NMUR2: variants seen among roughly 807,000 people sequenced by gnomAD.
NMUR2 encodes the protein neuromedin-U receptor 2.
A neutral mutation model predicts 25.1 loss-of-function variants in NMUR2; 24 were observed. The ratio of observed to expected loss-of-function variants is 0.96; its 90% CI spans 0.69 to 1.34. NMUR2 has a LOEUF of 1.34. Ranked by LOEUF, NMUR2 falls within the 40% of genes most tolerant of loss-of-function variation. The pLI is 0.00. For missense variants in NMUR2, 533 were observed against 512.8 expected, an observed-to-expected ratio of 1.04 and a Z score of -0.38; for synonymous variants, 218 against 208.1, an observed-to-expected ratio of 1.05 and a Z score of -0.41.
chr5:152,393,444 C>G (rs1753096413), intron 3 of NMUR2, among the ~76,000 whole-genome samples: 1 of 152,056 alleles, frequency 6.6e-6, no homozygotes, highest in Non-Finnish European at 1.5e-5. Flanking sequence ...GCCTTGTTTA[C>G]AGAATAAACA....
rs774879083 is a variant in NMUR2 at position 152,398,071 on chromosome 5, T to C, written c.800A>G (p.Asn267Ser). ...NIQRPCRKSV[N>S]KMLFVLVLVF... The stretch of plus-strand genomic sequence containing the variant: ...AATGGGGCACTTACACAGCATCTTG[T>C]TGACTGATTTTCTGCAGGGTCTTTG... Residue 267 changes from asparagine (N) to serine (S), a missense_variant, in exon 2 of 4, where the codon AAC becomes AGC. Transcript: ENST00000255262. 1.2e-5 allele frequency: 20 copies of C among 1,612,902 alleles called. No individual in the cohort carries two copies. The highest frequency in any genetic ancestry group is 1.6e-5 in the Non-Finnish European group (19 of 1,179,212).
At chr5:152,401,190 C>T (rs1753248204) in intron 1 of NMUR2, among the ~76,000 whole-genome samples, 1 of 152,170 alleles carries the variant, frequency 6.6e-6, no homozygotes, top group Admixed American at 6.5e-5. Flanking sequence ...ATTCATTATT[C>T]TTCCCCACCC....
At position 152,401,334 on chromosome 5, in the gene NMUR2, C is replaced by T. The variant is rs572452164; in HGVS notation, c.726+3054G>A. ...TGTGATTACTAAAAATTGTGATTAC[C>T]TTCTTTAGCTACAGAAGAGCAAAGT... On this transcript the variant is annotated intron_variant, in intron 1 of 3. Coordinates refer to ENST00000255262, the MANE Select transcript of NMUR2 (RefSeq NM_020167.5). Among the ~76,000 whole-genome samples the T allele has an allele frequency of 3.3e-5, 5 of 152,210 alleles. No homozygotes were observed. The East Asian group carries it at 9.7e-4, about 29-fold the overall frequency.
At position 152,392,010 on chromosome 5, in the gene NMUR2, T is replaced by A; in HGVS notation, c.*181A>T. ...AAGATAACTAAAAATCAGGCAGTCT[T>A]GGGTTTTGAAACCAGATCTAACTCT... On this transcript the variant is annotated 3_prime_UTR_variant, in exon 4 of 4. Transcript: ENST00000255262. 1.7e-6 allele frequency: 1 copy of A among 571,940 alleles called. No homozygotes were observed. The highest frequency in any genetic ancestry group is 3.1e-6 in the Non-Finnish European group (1 of 326,468). 35.4% of individuals were successfully genotyped at this position (571,940 alleles called of 1,614,324 possible).
At chr5:152,402,690 T>C (rs1753278071) in intron 1 of NMUR2, among the ~76,000 whole-genome samples, 1 of 152,160 alleles carries the variant, frequency 6.6e-6, no homozygotes, top group African/African-American at 2.4e-5. Flanking sequence ...TGAGGTAATA[T>C]TAAGTGGGTG....
chr5:152,401,814 T>C (rs1261639988), intron 1 of NMUR2, among the ~76,000 whole-genome samples: 1 of 112,632 alleles, frequency 8.9e-6, no homozygotes, highest in African/African-American at 2.6e-5. Context: ...AGCACAGATA[T>C]GGGTTTCCTC....
At chr5:152,396,891 AAAC>A (rs200035593) in intron 2 of NMUR2, among the ~76,000 whole-genome samples, 40 of 152,110 alleles carry the variant, frequency 2.6e-4, no homozygotes, top group Non-Finnish European at 4.9e-4. Flanking sequence ...TCCATCTCAA[AAAC>A]AACAACAACA....
At chr5:152,399,549 AT>A (rs1180778290) in intron 1 of NMUR2, among the ~76,000 whole-genome samples, 1 of 151,952 alleles carries the variant, frequency 6.6e-6, no homozygotes, top group Non-Finnish European at 1.5e-5. Flanking sequence ...TACAAACGTT[AT>A]TTTTTTTCCA....
rs1250340047 is a variant in NMUR2, at chr5:152,395,488, G to A, written c.908C>T (p.Ala303Val). The A allele has an allele frequency of 6.2e-7, 1 of 1,613,570 alleles. No homozygotes were observed. Among genetic ancestry groups the A allele is most frequent in the South Asian group, 1.1e-5 (1 of 91,042 alleles). Residue 303 changes from alanine (A) to valine (V), a missense_variant, in exon 3 of 4, where the codon GCT (alanine) becomes GTT (valine). Coordinates refer to ENST00000255262, the MANE Select transcript of NMUR2 (RefSeq NM_020167.5). Reference protein sequence around the residue: ...FVEEWSESLAAVFNLVHVVSG... With the variant: ...FVEEWSESLAVVFNLVHVVSG... ...CACCACATGGACGAGGTTGAACACA[G>A]CAGCCAGGGATTCACTCCACTCCTC...
At chr5:152,396,956 C>T (rs1025894646) in intron 2 of NMUR2, among the ~76,000 whole-genome samples, 19 of 149,820 alleles carry the variant, frequency 1.3e-4, no homozygotes, top group African/African-American at 4.1e-4. Flanking sequence ...CCCATCCCAA[C>T]GCAAATACTT....
At chr5:152,399,337 A>C (rs1288273080) in intron 1 of NMUR2, among the ~76,000 whole-genome samples, 1 of 152,076 alleles carries the variant, frequency 6.6e-6, no homozygotes, top group African/African-American at 2.4e-5. Flanking sequence ...ATTTGTATAG[A>C]GGTGTCACTA....
At position 152,392,508 on chromosome 5, in the gene NMUR2, T is replaced by G; in HGVS notation, c.938-7A>C. The G allele has an allele frequency of 2.5e-6, 4 of 1,603,254 alleles. 1 individual carries two copies. On this transcript the variant is annotated splice_region_variant and splice_polypyrimidine_tract_variant and intron_variant, in intron 3 of 3. Coordinates refer to ENST00000255262, the MANE Select transcript of NMUR2 (RefSeq NM_020167.5). ...CTCAGGTAGAAGAAGACACCTGGAA[T>G]GCAGGGGATTTAAAAAGATGTGCTG...
chr5:152,404,248 A>G lies in NMUR2; in HGVS notation c.726+140T>C, dbSNP rs563639787. 35 of 979,308 alleles carry G rather than the reference A, an allele frequency of 3.6e-5. No homozygotes were observed. The African/African-American group carries it at 5.2e-4, about 15-fold the overall frequency. The allele number at this position is 979,308 out of a possible 1,614,324, so 60.7% of individuals were successfully genotyped here. Reference sequence around the variant, plus strand: ...TTGAGGCAAGTCCTTTTAAGTCTCAATTTCCCATCTGAGCTCATTCTATTT... The same window carrying G: ...TTGAGGCAAGTCCTTTTAAGTCTCAGTTTCCCATCTGAGCTCATTCTATTT... On this transcript the variant is annotated intron_variant, in intron 1 of 3. Transcript: ENST00000255262.
rs374213364 is a variant in NMUR2, at chr5:152,399,210, TA to T, written c.727-1067del. 6.6e-4 allele frequency among the ~76,000 whole-genome samples: 101 copies of T among 152,312 alleles called. 1 individual carries two copies. The highest frequency in any genetic ancestry group is 2.4e-3 in the African/African-American group (99 of 41,582). On this transcript the variant is annotated intron_variant, in intron 1 of 3. Coordinates refer to ENST00000255262, the MANE Select transcript of NMUR2 (RefSeq NM_020167.5). ...ATCAAATATCCAGAAATTAGTATAGTACATAGTGAATATATATTTGCCCATT... is the reference window on the plus strand; with the variant it reads ...ATCAAATATCCAGAAATTAGTATAGTCATAGTGAATATATATTTGCCCATT...
At chr5:152,393,628 G>A (rs1247774294) in intron 3 of NMUR2, among the ~76,000 whole-genome samples, 3 of 152,098 alleles carry the variant, frequency 2.0e-5, no homozygotes, top group Non-Finnish European at 2.9e-5. Context: ...CAAGATTTAT[G>A]GCTAAGTTAA....
At chr5:152,396,260 AC>A (rs1184311622) in intron 2 of NMUR2, among the ~76,000 whole-genome samples, 3 of 151,140 alleles carry the variant, frequency 2.0e-5, no homozygotes, top group African/African-American at 7.3e-5. Context: ...TAAATACTTT[AC>A]TTTGCTATGA....
chr5:152,404,894 G>C lies in NMUR2; in HGVS notation c.220C>G (p.Gln74Glu). The C allele has an allele frequency of 6.2e-7, 1 of 1,614,026 alleles. No individual in the cohort carries two copies. Among genetic ancestry groups the C allele is most frequent in the Non-Finnish European group, 8.5e-7 (1 of 1,180,004 alleles). Reference protein sequence around the residue: ...VLVCLVILQHQAMKTPTNYYL... With the variant: ...VLVCLVILQHEAMKTPTNYYL... Reference sequence around the variant, plus strand: ...TAGTTGGTGGGCGTCTTCATAGCCTGGTGCTGCAGAATCACCAGGCACACC... The same window carrying C: ...TAGTTGGTGGGCGTCTTCATAGCCTCGTGCTGCAGAATCACCAGGCACACC... The change falls in exon 1 of 4, where the codon CAG becomes GAG. Residue 74 changes from glutamine (Q) to glutamate (E), a missense_variant. Physicochemically the swap from Gln to Glu is conservative, Grantham distance 29 (BLOSUM62 2). Transcript: ENST00000255262.
chr5:152,404,679 G>T lies in NMUR2; in HGVS notation c.435C>A (p.Tyr145Ter). Residue 145 changes from tyrosine (Y) to a stop codon, truncating the protein, a stop_gained, in exon 1 of 4, where the codon TAC (tyrosine) becomes TAA (stop). Transcript: ENST00000255262. LOFTEE classifies it high-confidence loss of function. ...LSITTVSVER[Y>*]VAILHPFRAK... ...CGCGGAACGGGTGTAGGATGGCCAC[G>T]TAGCGCTCCACGCTGACGGTGGTGA... 1 of 1,614,138 alleles carries T rather than the reference G, an allele frequency of 6.2e-7. No homozygotes were observed. Among genetic ancestry groups the T allele is most frequent in the South Asian group, 1.1e-5 (1 of 91,084 alleles).
rs554719017 is a variant in NMUR2, at chr5:152,392,276, A to C, written c.1163T>G (p.Met388Arg). 4.3e-6 allele frequency: 7 copies of C among 1,613,992 alleles called. No homozygotes were observed. In the East Asian group the frequency reaches 1.3e-4, roughly 31 times the overall value. ...IGPQFPCQSSMHNSHLPAALS... is the reference protein window; with the variant it reads ...IGPQFPCQSSRHNSHLPAALS... ...GGCTGCTGGGAGGTGAGAGTTGTGC[A>C]TGGATGACTGACATGGGAATTGGGG... Residue 388 changes from methionine (M) to arginine (R), a missense_variant, in exon 4 of 4, where the codon ATG (methionine) becomes AGG (arginine). Transcript: ENST00000255262.
Sources: allele counts gnomAD v4.1 joint callset (sites outside exome capture counted in the v4.1 genomes callset), GRCh38; gene constraint gnomAD v4.1.1; transcripts MANE v1.5; gene names NCBI Gene and HGNC (gene_info 2026-07-23, HGNC 2026-07-21).